The following EFEMP1 variants were observed in gnomAD, a reference collection of about 807,000 sequenced individuals.
The protein encoded by EFEMP1 is EGF-like fibulin extracellular matrix protein 1.
Under a neutral mutation model 65.7 loss-of-function variants are expected in EFEMP1, and 18 were observed. That is an observed-to-expected ratio of 0.27 (90% CI 0.19 to 0.41). The LOEUF (loss-of-function observed/expected upper bound fraction) is 0.41. Among genes scored for constraint, EFEMP1 ranks in the 10% least tolerant of loss-of-function variants. The pLI is 1.00. For missense variants in EFEMP1, 469 were observed against 624.8 expected (o/e 0.75, Z 2.66); for synonymous variants, 237 against 219.7 (o/e 1.08, Z -0.70).
chr2:55,883,033 G>A lies in EFEMP1; in HGVS notation c.518-1299C>T, dbSNP rs1669304328. The stretch of plus-strand genomic sequence containing the variant: ...TACACTATGCAGTATAATAATATAT[G>A]AAGTTGAGATTGTAAAAGGGTTGTC... On this transcript the variant is annotated intron_variant, in intron 5 of 11. Coordinates refer to ENST00000355426, the MANE Select transcript of EFEMP1 (RefSeq NM_001039348.3). The surrounding 1 kb of genome is among the most constrained non-coding windows in gnomAD (Gnocchi z 4.5). 1.3e-5 allele frequency among the ~76,000 whole-genome samples: 2 copies of A among 152,152 alleles called. No homozygotes were observed. The highest frequency in any genetic ancestry group is 2.1e-4 in the South Asian group (1 of 4,830).
intron 5 of EFEMP1, among the ~76,000 whole-genome samples, chr2:55,890,719 T>C (rs560909222): frequency 6.6e-6 from 1 of 152,114 alleles, no homozygotes; most frequent in African/African-American, 2.4e-5. Context: ...GATAGCTAAA[T>C]TGAAATTTGA....
At chr2:55,898,031 A>G (rs1398976989) in intron 5 of EFEMP1, among the ~76,000 whole-genome samples, 2 of 152,198 alleles carry the variant, frequency 1.3e-5, no homozygotes, top group Non-Finnish European at 2.9e-5. Flanking sequence ...TTGTTAACAG[A>G]CTGTTTAGAC....
intron 5 of EFEMP1, among the ~76,000 whole-genome samples, chr2:55,900,613 T>G (rs1341879583): frequency 6.6e-6 from 1 of 152,242 alleles, no homozygotes; most frequent in Admixed American, 6.5e-5. Context: ...AACCCAAAAC[T>G]TTGCTTTGGA....
At chr2:55,916,212 C>T (rs1670679021) in intron 5 of EFEMP1, among the ~76,000 whole-genome samples, 1 of 151,008 alleles carries the variant, frequency 6.6e-6, no homozygotes, top group Non-Finnish European at 1.5e-5. Context: ...CAGGTTCAAG[C>T]AATTCTCCTG....
chr2:55,899,881 A>G (rs1268575418), intron 5 of EFEMP1, among the ~76,000 whole-genome samples: 1 of 152,168 alleles, frequency 6.6e-6, no homozygotes, highest in African/African-American at 2.4e-5. Context: ...AGCATGAACA[A>G]TTTCTGGGGG....
intron 3 of EFEMP1, among the ~76,000 whole-genome samples, chr2:55,920,169 C>T (rs1400599992): frequency 2.0e-5 from 3 of 152,228 alleles, no homozygotes; most frequent in Non-Finnish European, 4.4e-5. Context: ...CACTCTCTGA[C>T]TCAGGTGCCT....
At chr2:55,900,343 C>T (rs1010377225) in intron 5 of EFEMP1, among the ~76,000 whole-genome samples, 7 of 149,652 alleles carry the variant, frequency 4.7e-5, no homozygotes, top group African/African-American at 7.3e-5. Flanking sequence ...CTGCCTTCTT[C>T]GTGGACTAGA....
chr2:55,880,987 G>A (rs945714697), intron 6 of EFEMP1, among the ~76,000 whole-genome samples: 2 of 152,176 alleles, frequency 1.3e-5, no homozygotes, highest in Non-Finnish European at 1.5e-5. Context: ...TGTACTCATG[G>A]TACCCTACAA....
Position 55,870,613 on chromosome 2 carries a change from T to C in EFEMP1, c.1320+107A>G. On this transcript the variant is annotated intron_variant, in intron 11 of 11. Transcript: ENST00000355426. The surrounding 1 kb of genome is among the most constrained non-coding windows in gnomAD (Gnocchi z 5.8). ...ATGCCTACACATAAGACACTTTAAA[T>C]GTTTGCTTTCCTTCCACATGTGGAT... 2 of 1,382,068 alleles carry C rather than the reference T, an allele frequency of 1.4e-6. No individual in the cohort carries two copies. Among genetic ancestry groups the C allele is most frequent in the Non-Finnish European group, 2.0e-6 (2 of 981,808 alleles). The allele number at this position is 1,382,068 out of a possible 1,614,324, so 85.6% of individuals were successfully genotyped here. A position where few individuals can be genotyped will look rare whatever the true frequency, so the allele number is the denominator to read the frequency against.
rs186532068 is a variant in EFEMP1 at position 55,919,740 on chromosome 2, G to A, written c.82-1473C>T. Among the ~76,000 whole-genome samples the A allele has an allele frequency of 1.3e-4, 20 of 152,308 alleles. No homozygotes were observed. Among genetic ancestry groups the A allele is most frequent in the African/African-American group, 4.6e-4 (19 of 41,562 alleles). Reference sequence around the variant, plus strand: ...ACTGATGTCTGAAACTTACTGGAGCGAGAACTAAATTCACTTTGTCTCTCA... The same window carrying A: ...ACTGATGTCTGAAACTTACTGGAGCAAGAACTAAATTCACTTTGTCTCTCA... On this transcript the variant is annotated intron_variant, in intron 3 of 11. Coordinates refer to ENST00000355426, the MANE Select transcript of EFEMP1 (RefSeq NM_001039348.3). The surrounding 1 kb of genome is among the most constrained non-coding windows in gnomAD (Gnocchi z 4.5).
chr2:55,869,467 G>A (rs976733576), intron 11 of EFEMP1, among the ~76,000 whole-genome samples: 1 of 151,998 alleles, frequency 6.6e-6, no homozygotes, highest in Non-Finnish European at 1.5e-5. Context: ...AAAAATAATT[G>A]TAATAGATTG....
At chr2:55,918,525 C>G (rs1185768774) in intron 3 of EFEMP1, among the ~76,000 whole-genome samples, 1 of 151,990 alleles carries the variant, frequency 6.6e-6, no homozygotes, top group Non-Finnish European at 1.5e-5. Context: ...TTGCCCAGTA[C>G]CATCTTCTTT....
At chr2:55,898,056 G>C (rs1241024495) in intron 5 of EFEMP1, among the ~76,000 whole-genome samples, 1 of 151,744 alleles carries the variant, frequency 6.6e-6, no homozygotes, top group Non-Finnish European at 1.5e-5. Context: ...TTTATATTTA[G>C]AGACTTGCTC....
At chr2:55,916,357 G>A (rs1670686989) in intron 5 of EFEMP1, among the ~76,000 whole-genome samples, 2 of 152,138 alleles carry the variant, frequency 1.3e-5, no homozygotes, top group African/African-American at 4.8e-5. Context: ...TGATCCACCC[G>A]CCTCATCTTC....
In EFEMP1 at chr2:55,877,443, G is replaced by A. The variant is rs943525194; in HGVS notation, c.760+303C>T. Among the ~76,000 whole-genome samples, 4 of 152,058 alleles carry A rather than the reference G, an allele frequency of 2.6e-5. No individual in the cohort carries two copies. The highest frequency in any genetic ancestry group is 4.4e-5 in the Non-Finnish European group (3 of 68,012). On this transcript the variant is annotated intron_variant, in intron 7 of 11. Transcript: ENST00000355426. This position sits in a 1 kb window ranked among gnomAD's most constrained non-coding sequence, Gnocchi z 4.5. Reference sequence around the variant, plus strand: ...TACTTGAACTTGTAGTAACCCCTTTGGCACTTTCAGCATTATATCACACAC... The same window carrying A: ...TACTTGAACTTGTAGTAACCCCTTTAGCACTTTCAGCATTATATCACACAC...
At chr2:55,900,705 A>T (rs1326304574) in intron 5 of EFEMP1, among the ~76,000 whole-genome samples, 1 of 152,142 alleles carries the variant, frequency 6.6e-6, no homozygotes, top group Admixed American at 6.6e-5. Context: ...CTACTAGAGT[A>T]TTCTTCATGG....
intron 5 of EFEMP1, among the ~76,000 whole-genome samples, chr2:55,909,187 G>A (rs867821040): frequency 1.3e-5 from 2 of 152,218 alleles, no homozygotes; most frequent in Middle Eastern, 3.4e-3. Context: ...TTATTTTCAA[G>A]GATGGTTTAA....
intron 5 of EFEMP1, among the ~76,000 whole-genome samples, chr2:55,902,347 A>G (rs904432505): frequency 2.6e-5 from 4 of 152,260 alleles, no homozygotes; most frequent in African/African-American, 9.6e-5. Context: ...TTAAACAGAT[A>G]GTTCTTTGCC....
intron 5 of EFEMP1, among the ~76,000 whole-genome samples, chr2:55,887,330 T>C (rs1436448195): frequency 6.6e-6 from 1 of 152,216 alleles, no homozygotes; most frequent in East Asian, 1.9e-4. Context: ...TAATTTTTTT[T>C]AGCCTTAAAG....
Sources: allele counts gnomAD v4.1 joint callset (sites outside exome capture counted in the v4.1 genomes callset), GRCh38; gene constraint gnomAD v4.1.1; non-coding constraint Gnocchi (gnomAD v3.1); transcripts MANE v1.5; gene names NCBI Gene and HGNC (gene_info 2026-07-23, HGNC 2026-07-21).